The following JMY variants were observed in gnomAD, a reference collection of about 807,000 sequenced individuals.
The protein encoded by JMY is junction-mediating and -regulatory protein.
Under a neutral mutation model 103.3 loss-of-function variants are expected in JMY, and 46 were observed. That is an observed-to-expected ratio of 0.45 (90% CI 0.35 to 0.57). JMY has a LOEUF of 0.57. Ranked by LOEUF, JMY falls within the 20% of genes least tolerant of loss-of-function variation. The pLI is 0.00. For synonymous variants in JMY, 526 were observed against 489.3 expected (o/e 1.07, Z -0.99); for missense variants, 1,238 against 1,255.2 (o/e 0.99, Z 0.21).
intron 1 of JMY, among the ~76,000 whole-genome samples, chr5:79,249,646 T>C (rs1450104812): frequency 6.6e-6 from 1 of 152,196 alleles, no homozygotes; most frequent in Non-Finnish European, 1.5e-5. Context: ...GGTTTAAAAA[T>C]TGAAAACTGG....
chr5:79,285,535 C>G (rs1309874399), intron 2 of JMY, among the ~76,000 whole-genome samples: 2 of 149,334 alleles, frequency 1.3e-5, no homozygotes, highest in Admixed American at 6.7e-5. Context: ...GCTATACTTT[C>G]CTTTAGTTCA....
intron 7 of JMY, among the ~76,000 whole-genome samples, chr5:79,310,363 G>C (rs1580370866): frequency 6.6e-6 from 1 of 152,040 alleles, no homozygotes; most frequent in Non-Finnish European, 1.5e-5. Flanking sequence ...TCCTGGCCAA[G>C]AAATTGATTC....
At chr5:79,287,287 A>G (rs187315966) in intron 2 of JMY, among the ~76,000 whole-genome samples, 6 of 152,322 alleles carry the variant, frequency 3.9e-5, no homozygotes, top group South Asian at 4.1e-4. Flanking sequence ...AAACTCTTCT[A>G]TTGGCAAAGG....
chr5:79,302,095 A>AC lies in JMY; in HGVS notation c.1881+1232_1881+1233insC, dbSNP rs1382905359. Among the ~76,000 whole-genome samples, 3 of 151,850 alleles carry AC rather than the reference A, an allele frequency of 2.0e-5. No individual in the cohort carries two copies. The East Asian group carries it at 5.8e-4, about 29-fold the overall frequency. On this transcript the variant is annotated intron_variant, in intron 6 of 10. Coordinates refer to ENST00000396137, the MANE Select transcript of JMY (RefSeq NM_152405.5). ...TGAAACTCCGTCTCAAAAAAAAAAA[A>AC]AAAAAAACATTGCAGTGATTTCAGC...
At chr5:79,239,571 C>T (rs1042481536) in intron 1 of JMY, among the ~76,000 whole-genome samples, 6 of 152,084 alleles carry the variant, frequency 3.9e-5, no homozygotes, top group Non-Finnish European at 5.9e-5. Flanking sequence ...CTTTGGGAGG[C>T]CGAGGCGGGC....
intron 1 of JMY, among the ~76,000 whole-genome samples, chr5:79,260,233 G>T (rs902344708): frequency 6.6e-6 from 1 of 152,198 alleles, no homozygotes; most frequent in Non-Finnish European, 1.5e-5. Context: ...AGGCTGTGGC[G>T]GAGACTCCAG....
chr5:79,285,022 T>G (rs1746227598), intron 2 of JMY: 3 of 710,608 alleles, frequency 4.2e-6, no homozygotes, highest in Non-Finnish European at 7.1e-6. Flanking sequence ...CTTTAATGAG[T>G]CAGAGCCAGC....
intron 1 of JMY, among the ~76,000 whole-genome samples, chr5:79,256,451 C>G (rs890522277): frequency 1.3e-5 from 2 of 152,076 alleles, no homozygotes; most frequent in African/African-American, 4.8e-5. Flanking sequence ...GATAGCTAAC[C>G]TGGTGCCAGG....
At chr5:79,310,387 A>G (rs1172453010) in intron 7 of JMY, among the ~76,000 whole-genome samples, 1 of 152,174 alleles carries the variant, frequency 6.6e-6, no homozygotes, top group African/African-American at 2.4e-5. Context: ...AGGTAATCCC[A>G]AAGATAAATG....
Position 79,236,609 on chromosome 5 carries a change from C to G in JMY, c.-42C>G, listed in dbSNP as rs888996835. 3.0e-6 allele frequency: 4 copies of G among 1,338,992 alleles called. No homozygotes were observed. Among genetic ancestry groups the G allele is most frequent in the East Asian group, 3.1e-5 (1 of 32,066 alleles). 82.9% of individuals were successfully genotyped at this position (1,338,992 alleles called of 1,614,324 possible). A position where few individuals can be genotyped will look rare whatever the true frequency, so the allele number is the denominator to read the frequency against. The stretch of plus-strand genomic sequence containing the variant: ...GCCAGCGGGGAGTCCTCGGGCGGGC[C>G]GGGCCGGCGGCCCTTCCCCGCGGCG... On this transcript the variant is annotated 5_prime_UTR_variant, in exon 1 of 11. Transcript: ENST00000396137.
intron 2 of JMY, among the ~76,000 whole-genome samples, chr5:79,288,857 C>T (rs1429225443): frequency 6.6e-6 from 1 of 152,032 alleles, no homozygotes; most frequent in Non-Finnish European, 1.5e-5. Flanking sequence ...TTGCGTGACT[C>T]AGCTCCCAAG....
intron 1 of JMY, among the ~76,000 whole-genome samples, chr5:79,267,891 T>C (rs1462355729): frequency 6.6e-6 from 1 of 152,190 alleles, no homozygotes; most frequent in Non-Finnish European, 1.5e-5. Flanking sequence ...CTCATTTGGA[T>C]AAATATTAAT....
intron 1 of JMY, among the ~76,000 whole-genome samples, chr5:79,257,432 G>A (rs1004229529): frequency 2.0e-5 from 3 of 152,086 alleles, no homozygotes; most frequent in Non-Finnish European, 4.4e-5. Flanking sequence ...GTGAAACCCT[G>A]TCTCTACAAA....
intron 4 of JMY, among the ~76,000 whole-genome samples, chr5:79,294,914 A>T (rs946077278): frequency 1.3e-5 from 2 of 152,120 alleles, no homozygotes; most frequent in Non-Finnish European, 2.9e-5. Context: ...GAGGATTTTA[A>T]CAATTCCCCA....
intron 1 of JMY, among the ~76,000 whole-genome samples, chr5:79,245,019 G>A (rs776660812): frequency 4.6e-5 from 7 of 152,048 alleles, no homozygotes; most frequent in Non-Finnish European, 5.9e-5. Context: ...GTGGGGGATT[G>A]TCCTTTATGT....
At position 79,237,298 on chromosome 5, in the gene JMY, C is replaced by G; in HGVS notation, c.648C>G (p.Pro216=). 1 of 1,560,030 alleles carries G rather than the reference C, an allele frequency of 6.4e-7. No individual in the cohort carries two copies. The highest frequency in any genetic ancestry group is 1.4e-5 in the African/African-American group (1 of 73,454). The change falls in exon 1 of 11, where the codon CCC becomes CCG. Residue 216 remains proline, a synonymous_variant. Transcript: ENST00000396137. ...TCTCGGACGCGGAGCAGCCGCCGCC[C>G]GCCACCGAGCTGGAGTCTCCGGCCG... ...LALSDAEQPP[P]ATELESPAEE...
At chr5:79,284,251 C>G (rs1447519777) in intron 2 of JMY, 1 of 1,524,892 alleles carries the variant, frequency 6.6e-7, no homozygotes, top group African/African-American at 1.4e-5. Context: ...ATGAGCTTTC[C>G]CAATTCAAAC....
chr5:79,324,249 T>C lies in JMY; in HGVS notation c.*2647T>C, dbSNP rs1747558350. 1 of 152,164 alleles carries C rather than the reference T, an allele frequency of 6.6e-6. No individual in the cohort carries two copies. Among genetic ancestry groups the C allele is most frequent in the Admixed American group, 6.5e-5 (1 of 15,274 alleles). The allele number at this position is 152,164 out of a possible 1,614,324, so 9.4% of individuals were successfully genotyped here. A position where few individuals can be genotyped will look rare whatever the true frequency, so the allele number is the denominator to read the frequency against. On this transcript the variant is annotated 3_prime_UTR_variant, in exon 11 of 11. Transcript: ENST00000396137. Reference sequence around the variant, plus strand: ...TTTTTTCTTCTTGCCTCTAATAAAATCAGGATCTTCGGCCTTGATACTAAA... The same window carrying C: ...TTTTTTCTTCTTGCCTCTAATAAAACCAGGATCTTCGGCCTTGATACTAAA...
At chr5:79,270,703 T>C (rs1002180783) in intron 1 of JMY, among the ~76,000 whole-genome samples, 2 of 146,528 alleles carry the variant, frequency 1.4e-5, no homozygotes, top group Non-Finnish European at 3.0e-5. Flanking sequence ...ATTTATATAT[T>C]ATATATTTAT....
Sources: gnomAD v4.1 joint callset for allele counts (sites outside exome capture counted in the v4.1 genomes callset) on GRCh38, gnomAD v4.1.1 for gene constraint, MANE v1.5 for transcripts, NCBI Gene and HGNC (gene_info 2026-07-23, HGNC 2026-07-21) for gene names.